RPTOR: variants seen among roughly 807,000 people sequenced by gnomAD.
RPTOR encodes the protein regulatory associated protein of MTOR complex 1, also known as regulatory-associated protein of mTOR.
A neutral mutation model predicts 169.9 loss-of-function variants in RPTOR; 21 were observed. The ratio of observed to expected loss-of-function variants is 0.12; its 90% CI spans 0.09 to 0.18. The LOEUF is 0.18. Ranked by LOEUF, RPTOR falls within the 10% of genes least tolerant of loss-of-function variation. RPTOR has a pLI of 1.00. For synonymous variants in RPTOR, 732 were observed against 753.2 expected, an observed-to-expected ratio of 0.97 and a Z score of 0.46; for missense variants, 1,133 against 1,855.9, an observed-to-expected ratio of 0.61 and a Z score of 7.16.
Position 80,545,659 on chromosome 17 carries a change from T to G in RPTOR, c.30T>G (p.Leu10=). The G allele has an allele frequency of 6.2e-7, 1 of 1,613,348 alleles. No homozygotes were observed. Among genetic ancestry groups the G allele is most frequent in the African/African-American group, 1.3e-5 (1 of 74,966 alleles). ...AGTCCGAAATGCTGCAATCGCCTCTTCTGGGCCTGGGGGAGGAAGATGAGG... is the reference window on the plus strand; with the variant it reads ...AGTCCGAAATGCTGCAATCGCCTCTGCTGGGCCTGGGGGAGGAAGATGAGG... MESEMLQSP[L]LGLGEEDEAD... Residue 10 remains leucine, a synonymous_variant, in exon 1 of 34, where the codon CTT becomes CTG. Coordinates refer to ENST00000306801, the MANE Select transcript of RPTOR (RefSeq NM_020761.3).
chr17:80,751,861 TA>T (rs1567893317), intron 5 of RPTOR, among the ~76,000 whole-genome samples: 2 of 152,202 alleles, frequency 1.3e-5, no homozygotes, highest in South Asian at 4.1e-4. Flanking sequence ...GACCCCGCAT[TA>T]GCAGGTGGCG....
Position 80,675,916 on chromosome 17 carries a change from T to A in RPTOR, c.349-31925T>A, listed in dbSNP as rs78236037. ...CGCAGATGTGATTTCCTTGCTTGTT[T>A]CTTCAAGAGCCTACTCTTAAGAGGT... On this transcript the variant is annotated intron_variant, in intron 3 of 33. Coordinates refer to ENST00000306801, the MANE Select transcript of RPTOR (RefSeq NM_020761.3). Among the ~76,000 whole-genome samples the A allele has an allele frequency of 1.6e-4, 24 of 152,278 alleles. No homozygotes were observed. In the East Asian group the frequency reaches 4.6e-3, roughly 29 times the overall value.
chr17:80,693,602 T>C (rs1681889518), intron 3 of RPTOR, among the ~76,000 whole-genome samples: 1 of 152,236 alleles, frequency 6.6e-6, no homozygotes, highest in Admixed American at 6.5e-5. Flanking sequence ...TTGAGAACAT[T>C]ACGAGTTACT....
intron 9 of RPTOR, among the ~76,000 whole-genome samples, chr17:80,824,784 G>A (rs1567932471): frequency 6.6e-6 from 1 of 152,228 alleles, no homozygotes; most frequent in Non-Finnish European, 1.5e-5. Context: ...TTCTCCAGAT[G>A]TAAAAGCACC....
Position 80,754,275 on chromosome 17 carries a change from G to A in RPTOR, c.830+90G>A. ...CATGTGGGCCCCAGGCATTCACCTG[G>A]TCCCAGGAGCCCACGTGACAGACAT... On this transcript the variant is annotated intron_variant, in intron 6 of 33. Transcript: ENST00000306801. The surrounding 1 kb of genome is among the most constrained non-coding windows in gnomAD (Gnocchi z 4.2). 1.5e-6 allele frequency: 2 copies of A among 1,327,470 alleles called. No individual in the cohort carries two copies. Among genetic ancestry groups the A allele is most frequent in the Non-Finnish European group, 2.0e-6 (2 of 976,608 alleles). 82.2% of individuals were successfully genotyped at this position (1,327,470 alleles called of 1,614,324 possible). A position where few individuals can be genotyped will look rare whatever the true frequency, so the allele number is the denominator to read the frequency against.
chr17:80,590,943 T>C (rs1228594423), intron 1 of RPTOR, among the ~76,000 whole-genome samples: 2 of 152,174 alleles, frequency 1.3e-5, no homozygotes, highest in Non-Finnish European at 2.9e-5. Context: ...TTTTTTTAAA[T>C]TATGATTTGT....
chr17:80,549,967 T>C (rs1355871420), intron 1 of RPTOR, among the ~76,000 whole-genome samples: 1 of 152,216 alleles, frequency 6.6e-6, no homozygotes, highest in Non-Finnish European at 1.5e-5. Flanking sequence ...TTGTAAACCA[T>C]TCTCTAGACT....
chr17:80,948,917 C>CG (rs1204527671), intron 27 of RPTOR, among the ~76,000 whole-genome samples: 4 of 152,162 alleles, frequency 2.6e-5, no homozygotes, highest in Non-Finnish European at 5.9e-5. Context: ...GCGGAGAGCC[C>CG]AGACGTCTGC....
intron 1 of RPTOR, among the ~76,000 whole-genome samples, chr17:80,621,517 A>C (rs928548337): frequency 3.3e-5 from 5 of 152,140 alleles, no homozygotes; most frequent in Middle Eastern, 3.4e-3. Context: ...GAGGAAGCAG[A>C]CCCAGCAGCC....
intron 1 of RPTOR, among the ~76,000 whole-genome samples, chr17:80,608,917 A>G (rs879319456): frequency 6.6e-6 from 1 of 152,200 alleles, no homozygotes; most frequent in Admixed American, 6.5e-5. Context: ...TCAGACGCCT[A>G]TTAGTCGCAA....
intron 6 of RPTOR, among the ~76,000 whole-genome samples, chr17:80,774,652 T>C (rs1273058212): frequency 6.6e-6 from 1 of 152,208 alleles, no homozygotes; most frequent in Non-Finnish European, 1.5e-5. Flanking sequence ...TGCCGTACTT[T>C]ACACGAGAAC....
chr17:80,702,729 A>G (rs1598238447), intron 3 of RPTOR, among the ~76,000 whole-genome samples: 1 of 152,310 alleles, frequency 6.6e-6, no homozygotes, highest in South Asian at 2.1e-4. Context: ...ACCTTCACAG[A>G]GCCAGGGTCA....
intron 10 of RPTOR, among the ~76,000 whole-genome samples, chr17:80,838,792 T>C (rs2067594685): frequency 6.6e-6 from 1 of 152,216 alleles, no homozygotes; most frequent in Admixed American, 6.5e-5. Flanking sequence ...CGTGTCAGGC[T>C]CCAGAGCCAC....
intron 24 of RPTOR, chr17:80,940,274 A>G (rs997924028): frequency 4.6e-6 from 2 of 434,644 alleles, no homozygotes; most frequent in Admixed American, 8.1e-5. Context: ...AGCTATTTAC[A>G]CAGCGTTGAC....
At position 80,814,501 on chromosome 17, in the gene RPTOR, G is replaced by A. The variant is rs557889781; in HGVS notation, c.891-7700G>A. Among the ~76,000 whole-genome samples, 5 of 152,140 alleles carry A rather than the reference G, an allele frequency of 3.3e-5. No individual in the cohort carries two copies. The East Asian group carries it at 9.7e-4, about 29-fold the overall frequency. The stretch of plus-strand genomic sequence containing the variant: ...AATTTGGGATGATTTGTATTATCTT[G>A]TTTTCTTTTTTATCATCATTTGAGT... On this transcript the variant is annotated intron_variant, in intron 7 of 33. Coordinates refer to ENST00000306801, the MANE Select transcript of RPTOR (RefSeq NM_020761.3).
intron 7 of RPTOR, among the ~76,000 whole-genome samples, chr17:80,815,426 C>T (rs1413555733): frequency 6.6e-6 from 1 of 152,242 alleles, no homozygotes. Context: ...TGGCCCAGTC[C>T]CTGTGCGTAC....
chr17:80,646,341 C>G lies in RPTOR; in HGVS notation c.348+2531C>G, dbSNP rs1478029390. Among the ~76,000 whole-genome samples, 3 of 152,180 alleles carry G rather than the reference C, an allele frequency of 2.0e-5. No homozygotes were observed. The highest frequency in any genetic ancestry group is 4.4e-5 in the Non-Finnish European group (3 of 68,036). On this transcript the variant is annotated intron_variant, in intron 3 of 33. Coordinates refer to ENST00000306801, the MANE Select transcript of RPTOR (RefSeq NM_020761.3). The surrounding 1 kb of genome is among the most constrained non-coding windows in gnomAD (Gnocchi z 5.0). The stretch of plus-strand genomic sequence containing the variant: ...GTCACAGGATACCTCTGACCGGCTC[C>G]CAGGTGTGAGCGTGGGGCTGTGCCA...
intron 1 of RPTOR, among the ~76,000 whole-genome samples, chr17:80,570,798 A>G (rs544594401): frequency 6.6e-6 from 1 of 152,326 alleles, no homozygotes; most frequent in East Asian, 1.9e-4. Context: ...GTTGTTATGT[A>G]TTAATGAGTT....
At chr17:80,758,370 G>A (rs2066701729) in intron 6 of RPTOR, among the ~76,000 whole-genome samples, 1 of 152,150 alleles carries the variant, frequency 6.6e-6, no homozygotes, top group Non-Finnish European at 1.5e-5. Flanking sequence ...GTGGACTGAA[G>A]TCCAAGTCCA....
Sources: gnomAD v4.1 joint callset for allele counts (sites outside exome capture counted in the v4.1 genomes callset) on GRCh38, gnomAD v4.1.1 for gene constraint, Gnocchi (gnomAD v3.1) non-coding constraint, MANE v1.5 for transcripts, NCBI Gene and HGNC (gene_info 2026-07-23, HGNC 2026-07-21) for gene names.